Variants in ZNF160 observed in about 807,000 individuals in gnomAD.
ZNF160 encodes KRAB zinc finger protein KR18.
In ZNF160, 9 loss-of-function variants were observed where a neutral mutation model predicts 13.1. The ratio of observed to expected loss-of-function variants is 0.69; its 90% CI spans 0.41 to 1.20. ZNF160 has a LOEUF of 1.20. ZNF160 is among the 50% of genes most tolerant of loss of function. The pLI is 0.01. For synonymous variants in ZNF160, 293 were observed against 333.2 expected, an observed-to-expected ratio of 0.88 and a Z score of 1.31; for missense variants, 838 against 988.0, an observed-to-expected ratio of 0.85 and a Z score of 2.04.
At position 53,067,278 on chromosome 19, in the gene ZNF160, T is replaced by G. The variant is rs1408014428; in HGVS notation, c.*799A>C. ...TTGGCCTGCTCCATTTCATGTTCAG[T>G]TGATAGACCATTTCTTTCCTCTAAG... is the stretch of plus-strand genomic sequence containing the variant. On this transcript the variant is annotated 3_prime_UTR_variant, in exon 6 of 6. Coordinates refer to ENST00000683776, the MANE Select transcript of ZNF160 (RefSeq NM_001322131.2). 6.6e-6 allele frequency: 1 copy of G among 152,224 alleles called. No individual in the cohort carries two copies. The highest frequency in any genetic ancestry group is 1.5e-5 in the Non-Finnish European group (1 of 68,040). The allele number at this position is 152,224 out of a possible 1,614,324, so 9.4% of individuals were successfully genotyped here.
intron 5 of ZNF160, chr19:53,073,510 C>G (rs1375875149): frequency 6.3e-7 from 1 of 1,596,342 alleles, no homozygotes; most frequent in South Asian, 1.1e-5. Context: ...CTGAGCAGGT[C>G]TTCCACGCAC....
At chr19:53,102,461 G>C (rs2085480901) in intron 1 of ZNF160, among the ~76,000 whole-genome samples, 1 of 152,138 alleles carries the variant, frequency 6.6e-6, no homozygotes. Flanking sequence ...GTCTGAGGAG[G>C]CTCCTTCTTT....
chr19:53,072,152 A>T (rs936533977), intron 5 of ZNF160, among the ~76,000 whole-genome samples: 4 of 145,290 alleles, frequency 2.8e-5, no homozygotes, highest in African/African-American at 1.0e-4. Flanking sequence ...CCCAGGCTGG[A>T]GTGTAGTGCT....
At chr19:53,073,429 G>A in intron 5 of ZNF160, 2 of 1,598,438 alleles carry the variant, frequency 1.3e-6, no homozygotes, top group Non-Finnish European at 1.7e-6. Flanking sequence ...GACAGGCGGA[G>A]ACGGCTGGAG....
chr19:53,100,958 G>A (rs2085425514), intron 1 of ZNF160, among the ~76,000 whole-genome samples: 1 of 150,828 alleles, frequency 6.6e-6, no homozygotes, highest in African/African-American at 2.4e-5. Context: ...ACTACAGCCT[G>A]GGCATCAGAG....
intron 5 of ZNF160, among the ~76,000 whole-genome samples, chr19:53,072,183 C>G (rs945034792): frequency 6.6e-6 from 1 of 151,752 alleles, no homozygotes; most frequent in African/African-American, 2.4e-5. Flanking sequence ...CTTGCTGCAA[C>G]CCCCGCCTCC....
intron 5 of ZNF160, among the ~76,000 whole-genome samples, chr19:53,072,467 A>G (rs752522907): frequency 2.0e-5 from 3 of 152,208 alleles, no homozygotes; most frequent in Non-Finnish European, 4.4e-5. Flanking sequence ...TCAACTAATA[A>G]GATATTCTAG....
At position 53,068,618 on chromosome 19, in the gene ZNF160, T is replaced by C. The variant is rs749062423; in HGVS notation, c.1916A>G (p.His639Arg). 3.1e-6 allele frequency: 5 copies of C among 1,613,616 alleles called. No individual in the cohort carries two copies. The highest frequency in any genetic ancestry group is 1.1e-5 in the South Asian group (1 of 91,066). ...VFRHNSYLAT[H>R]RRIHTGEKPY... The stretch of plus-strand genomic sequence containing the variant: ...TTTCTCTCCAGTATGAATTCGCCGA[T>C]GAGTTGCAAGGTATGAATTGTGCCT... Residue 639 changes from histidine (H) to arginine (R), a missense_variant, in exon 6 of 6, where the codon CAT becomes CGT. Physicochemically the swap from His to Arg is conservative, Grantham distance 29. Transcript: ENST00000683776.
At chr19:53,081,955 T>C (rs987869403) in intron 3 of ZNF160, among the ~76,000 whole-genome samples, 2 of 152,176 alleles carry the variant, frequency 1.3e-5, no homozygotes, top group Non-Finnish European at 1.5e-5. Context: ...AACAAAATCA[T>C]GTCCTTTGCA....
At chr19:53,071,672 T>A (rs927561789) in intron 5 of ZNF160, among the ~76,000 whole-genome samples, 23 of 142,886 alleles carry the variant, frequency 1.6e-4, no homozygotes, top group East Asian at 6.4e-4. Context: ...AATAAAAAAA[T>A]AAAAAAAAAA....
intron 3 of ZNF160, among the ~76,000 whole-genome samples, chr19:53,076,531 C>T (rs2084397440): frequency 6.6e-6 from 1 of 152,032 alleles, no homozygotes; most frequent in African/African-American, 2.4e-5. Flanking sequence ...CCAAGCTACT[C>T]GGGAGGCTAA....
Position 53,075,191 on chromosome 19 carries a change from GA to G in ZNF160, c.16-9del, listed in dbSNP as rs745975023. 253 of 1,612,416 alleles carry G rather than the reference GA, an allele frequency of 1.6e-4. 3 individuals carry two copies. The South Asian group carries it at 2.1e-3, about 14-fold the overall frequency. ...CCTAAATGTCAACCGTACCTAAAAT[GA>G]AAAACACATTTCACCAAGTGGCTAA... On this transcript the variant is annotated splice_polypyrimidine_tract_variant and intron_variant, in intron 3 of 5. Transcript: ENST00000683776.
chr19:53,079,065 CA>C (rs2084520083), intron 3 of ZNF160, among the ~76,000 whole-genome samples: 1 of 151,960 alleles, frequency 6.6e-6, no homozygotes, highest in African/African-American at 2.4e-5. Flanking sequence ...ACTAGGAAAC[CA>C]AATTGTAAAG....
Position 53,103,320 on chromosome 19 carries a change from G to C in ZNF160, c.-409C>G, listed in dbSNP as rs990600131. On this transcript the variant is annotated 5_prime_UTR_variant, in exon 1 of 6. Transcript: ENST00000683776. ...AAGTCCGTAGCGACCCCCGGGCATC[G>C]GGTGTGCGAATGGGGGACGGCGAGG... 6.6e-6 allele frequency: 1 copy of C among 152,408 alleles called. No individual in the cohort carries two copies. The highest frequency in any genetic ancestry group is 2.4e-5 in the African/African-American group (1 of 41,450). 9.4% of individuals were successfully genotyped at this position (152,408 alleles called of 1,614,324 possible). A position where few individuals can be genotyped will look rare whatever the true frequency, so the allele number is the denominator to read the frequency against.
intron 5 of ZNF160, chr19:53,073,629 A>G: frequency 2.3e-6 from 3 of 1,314,898 alleles, no homozygotes; most frequent in Non-Finnish European, 2.0e-6. Flanking sequence ...GGAATTAAAT[A>G]CAGAGGGAGA....
chr19:53,070,746 T>C (rs1166909239), intron 5 of ZNF160, among the ~76,000 whole-genome samples: 1 of 152,070 alleles, frequency 6.6e-6, no homozygotes, highest in Non-Finnish European at 1.5e-5. Context: ...GAAAATGCAG[T>C]TACATGTAAT....
rs563853027 is a variant in ZNF160 at position 53,081,296 on chromosome 19, C to A, written c.15+4966G>T. On this transcript the variant is annotated intron_variant, in intron 3 of 5. Transcript: ENST00000683776. ...GGAACTTAATTAAAGAGCTTGTACA[C>A]AGAAAAACAAACTATCAACAGAGTA... is the stretch of plus-strand genomic sequence containing the variant. Among the ~76,000 whole-genome samples the A allele has an allele frequency of 8.5e-5, 13 of 152,172 alleles. No homozygotes were observed. The South Asian group carries it at 2.7e-3, about 32-fold the overall frequency.
At chr19:53,075,031 G>A in intron 4 of ZNF160, 26 bp downstream of exon 4, 2 of 1,613,740 alleles carry the variant, frequency 1.2e-6, no homozygotes, top group Non-Finnish European at 1.7e-6. Flanking sequence ...AACAGATCTT[G>A]ACTTCTGGAA....
intron 1 of ZNF160, among the ~76,000 whole-genome samples, chr19:53,098,122 A>G (rs2085304333): frequency 6.6e-6 from 1 of 152,322 alleles, no homozygotes; most frequent in Admixed American, 6.5e-5. Context: ...GCATTACAAA[A>G]TGATCCTGCA....
Sources: allele counts gnomAD v4.1 joint callset (sites outside exome capture counted in the v4.1 genomes callset), GRCh38; gene constraint gnomAD v4.1.1; transcripts MANE v1.5; gene names NCBI Gene and HGNC (gene_info 2026-07-23, HGNC 2026-07-21).